The following LHFPL3 variants were observed in gnomAD, a reference collection of about 807,000 sequenced individuals.
LHFPL3 encodes the protein LHFPL tetraspan subfamily member 3 protein.
LHFPL3 carries 5 observed loss-of-function variants against 19.3 expected under a neutral mutation model. That is an observed-to-expected ratio of 0.26 (90% CI 0.14 to 0.54). LHFPL3 has a LOEUF of 0.54. Among genes scored for constraint, LHFPL3 ranks in the 20% least tolerant of loss-of-function variants. The pLI is 0.94. For missense variants in LHFPL3, 249 were observed against 307.4 expected (o/e 0.81, Z 1.42); for synonymous variants, 133 against 126.2 (o/e 1.05, Z -0.36).
intron 1 of LHFPL3, among the ~76,000 whole-genome samples, chr7:104,596,964 T>C (rs2115674810): frequency 6.6e-6 from 1 of 152,328 alleles, no homozygotes; most frequent in Admixed American, 6.5e-5. Flanking sequence ...CCCATATCTG[T>C]GTGCTGAATA....
At chr7:104,382,069 A>G (rs1294433279) in intron 1 of LHFPL3, among the ~76,000 whole-genome samples, 2 of 152,156 alleles carry the variant, frequency 1.3e-5, no homozygotes, top group African/African-American at 2.4e-5. Context: ...ACCTCCCCAT[A>G]TAATCACTGT....
At chr7:104,538,214 A>G (rs1242421914) in intron 1 of LHFPL3, among the ~76,000 whole-genome samples, 10 of 152,220 alleles carry the variant, frequency 6.6e-5, no homozygotes, top group African/African-American at 2.2e-4. Flanking sequence ...CACAATGGCA[A>G]ATCTGAGCAC....
At chr7:104,693,911 G>A (rs969756118) in intron 1 of LHFPL3, among the ~76,000 whole-genome samples, 6 of 152,082 alleles carry the variant, frequency 3.9e-5, no homozygotes, top group East Asian at 1.9e-4. Flanking sequence ...GATTACAGGC[G>A]CGAGCCACTG....
At chr7:104,851,701 G>A (rs911383910) in intron 2 of LHFPL3, among the ~76,000 whole-genome samples, 83 of 152,074 alleles carry the variant, frequency 5.5e-4, no homozygotes, top group Non-Finnish European at 7.4e-4. Flanking sequence ...CCTTCATGGG[G>A]TACTGATTTC....
intron 1 of LHFPL3, among the ~76,000 whole-genome samples, chr7:104,441,765 G>A (rs1372307415): frequency 3.9e-5 from 6 of 152,108 alleles, no homozygotes; most frequent in African/African-American, 1.4e-4. Context: ...TAGTAGAGTT[G>A]GGGTTTTACT....
At chr7:104,513,655 C>G (rs62485124) in intron 1 of LHFPL3, among the ~76,000 whole-genome samples, 5,146 of 152,260 alleles carry the variant, frequency 0.034, 223 homozygotes, top group East Asian at 0.21. Flanking sequence ...ATTTCTCTCT[C>G]CCCTCCTAGT....
intron 1 of LHFPL3, among the ~76,000 whole-genome samples, chr7:104,627,638 G>A (rs1001619075): frequency 5.9e-5 from 9 of 152,092 alleles, no homozygotes; most frequent in African/African-American, 2.2e-4. Context: ...ACAAAACAAG[G>A]ACCCTTTTAG....
intron 2 of LHFPL3, among the ~76,000 whole-genome samples, chr7:104,812,645 AT>A (rs998407448): frequency 6.8e-6 from 1 of 148,098 alleles, no homozygotes; most frequent in Non-Finnish European, 1.5e-5. Flanking sequence ...ACTAAAAAAA[AT>A]TACAAAAATT....
chr7:104,707,654 G>T (rs1793217088), intron 1 of LHFPL3, among the ~76,000 whole-genome samples: 1 of 152,114 alleles, frequency 6.6e-6, no homozygotes, highest in Non-Finnish European at 1.5e-5. Flanking sequence ...TTTCCTAGTA[G>T]TGTTTTTTTG....
intron 1 of LHFPL3, among the ~76,000 whole-genome samples, chr7:104,392,092 T>C (rs1303569527): frequency 6.6e-6 from 1 of 152,152 alleles, no homozygotes; most frequent in Non-Finnish European, 1.5e-5. Context: ...TGGGCTGAGA[T>C]GATGGGGTTT....
At chr7:104,584,777 T>A (rs543901877) in intron 1 of LHFPL3, among the ~76,000 whole-genome samples, 1 of 152,218 alleles carries the variant, frequency 6.6e-6, no homozygotes, top group African/African-American at 2.4e-5. Context: ...ACTAAAAGAA[T>A]CAGCAGGCAG....
At chr7:104,569,176 T>A (rs1289500444) in intron 1 of LHFPL3, among the ~76,000 whole-genome samples, 1 of 152,206 alleles carries the variant, frequency 6.6e-6, no homozygotes, top group African/African-American at 2.4e-5. Context: ...TATATCTTTA[T>A]CTTCTTCCCT....
intron 1 of LHFPL3, among the ~76,000 whole-genome samples, chr7:104,502,127 G>A (rs181765439): frequency 6.6e-6 from 1 of 152,246 alleles, no homozygotes; most frequent in Non-Finnish European, 1.5e-5. Flanking sequence ...GAGATTGTAT[G>A]GATATCAAAA....
chr7:104,850,862 C>T (rs917065315), intron 2 of LHFPL3, among the ~76,000 whole-genome samples: 40 of 147,432 alleles, frequency 2.7e-4, no homozygotes, highest in African/African-American at 9.0e-4. Context: ...AAGAGTAAAA[C>T]TCTCAGTATT....
At chr7:104,500,548 A>G (rs1297268805) in intron 1 of LHFPL3, among the ~76,000 whole-genome samples, 1 of 152,060 alleles carries the variant, frequency 6.6e-6, no homozygotes, top group Non-Finnish European at 1.5e-5. Context: ...TTTTGCGCTA[A>G]TATCTCTTCA....
At chr7:104,674,699 G>T (rs1413297363) in intron 1 of LHFPL3, among the ~76,000 whole-genome samples, 2 of 152,046 alleles carry the variant, frequency 1.3e-5, no homozygotes, top group Non-Finnish European at 2.9e-5. Flanking sequence ...TAAAAGTTAT[G>T]GAATAAACTA....
intron 2 of LHFPL3, chr7:104,769,004 A>C (rs1453098667): frequency 6.6e-6 from 1 of 152,234 alleles, no homozygotes; most frequent in Non-Finnish European, 1.5e-5. Context: ...TAATCCAGAA[A>C]CCAGATTTCC....
chr7:104,876,888 A>C (rs1355168341), intron 2 of LHFPL3, among the ~76,000 whole-genome samples: 1 of 152,234 alleles, frequency 6.6e-6, no homozygotes, highest in Non-Finnish European at 1.5e-5. Flanking sequence ...AATGTCCAAC[A>C]ATGATAGACT....
At position 104,605,223 on chromosome 7, in the gene LHFPL3, T is replaced by C. The variant is rs555726522; in HGVS notation, c.446-131452T>C. ...TGAGAGTTTTCAATCAAATAATGGATTTTACTTTGTTTCCTAAAGACTATC... is the reference window on the plus strand; with the variant it reads ...TGAGAGTTTTCAATCAAATAATGGACTTTACTTTGTTTCCTAAAGACTATC... On this transcript the variant is annotated intron_variant, in intron 1 of 2. Coordinates refer to ENST00000424859, the MANE Select transcript of LHFPL3 (RefSeq NM_199000.3). 1.2e-4 allele frequency among the ~76,000 whole-genome samples: 18 copies of C among 152,260 alleles called. No homozygotes were observed. The South Asian group carries it at 2.7e-3, about 23-fold the overall frequency.
Sources: allele counts gnomAD v4.1 joint callset (sites outside exome capture counted in the v4.1 genomes callset), GRCh38; gene constraint gnomAD v4.1.1; transcripts MANE v1.5; gene names NCBI Gene and HGNC (gene_info 2026-07-23, HGNC 2026-07-21).